PTPRD: variants seen among roughly 807,000 people sequenced by gnomAD.
The protein encoded by PTPRD is protein tyrosine phosphatase receptor type D.
PTPRD carries 34 observed loss-of-function variants against 214.5 expected under a neutral mutation model. The ratio of observed to expected loss-of-function variants is 0.16; its 90% CI spans 0.12 to 0.21. The LOEUF (loss-of-function observed/expected upper bound fraction) is 0.21. Ranked by LOEUF, PTPRD falls within the 10% of genes least tolerant of loss-of-function variation. PTPRD has a pLI of 1.00. For missense variants in PTPRD, 2,545 were observed against 2,398.7 expected, an observed-to-expected ratio of 1.06 and a Z score of -1.27; for synonymous variants, 1,128 against 845.7, an observed-to-expected ratio of 1.33 and a Z score of -5.79.
At chr9:9,345,740 G>A (rs1163734110) in intron 9 of PTPRD, among the ~76,000 whole-genome samples, 1 of 151,840 alleles carries the variant, frequency 6.6e-6, no homozygotes, top group Non-Finnish European at 1.5e-5. Context: ...CAAACATTCG[G>A]TTCCTCCATT....
At chr9:9,172,468 G>A (rs1044447709) in intron 10 of PTPRD, among the ~76,000 whole-genome samples, 4 of 152,048 alleles carry the variant, frequency 2.6e-5, no homozygotes, top group Non-Finnish European at 5.9e-5. Context: ...ATTTTCTGGA[G>A]AAGTGATCCC....
rs144304908 is a variant in PTPRD, at chr9:9,778,708, G to A, written c.-367-11857C>T. ...GAATGCTCTACGTTCATACACTCCT[G>A]GTGACCGAGAATTACATCAGATCCC... On this transcript the variant is annotated intron_variant, in intron 5 of 45. Coordinates refer to ENST00000381196, the MANE Select transcript of PTPRD (RefSeq NM_002839.4). Among the ~76,000 whole-genome samples, 220 of 152,188 alleles carry A rather than the reference G, an allele frequency of 1.4e-3. 1 individual carries two copies. The highest frequency in any genetic ancestry group is 2.4e-3 in the Non-Finnish European group (163 of 68,000).
At chr9:10,285,867 C>T (rs951309625) in intron 3 of PTPRD, among the ~76,000 whole-genome samples, 10 of 152,016 alleles carry the variant, frequency 6.6e-5, no homozygotes, top group Non-Finnish European at 7.4e-5. Flanking sequence ...CCTCGGCCTC[C>T]CAAAGTGCTG....
At chr9:10,431,189 G>A (rs987561119) in intron 2 of PTPRD, among the ~76,000 whole-genome samples, 22 of 151,852 alleles carry the variant, frequency 1.4e-4, no homozygotes, top group Non-Finnish European at 2.4e-4. Context: ...AAATTTCATC[G>A]TTCAGAATCA....
chr9:9,214,416 G>A (rs111305245), intron 9 of PTPRD, among the ~76,000 whole-genome samples: 5 of 152,090 alleles, frequency 3.3e-5, no homozygotes, highest in Non-Finnish European at 5.9e-5. Context: ...CCACTAACTC[G>A]GAAGACATCA....
In PTPRD at chr9:10,219,257, G is replaced by T. The variant is rs1208326920; in HGVS notation, c.-545+121706C>A. Among the ~76,000 whole-genome samples, 5 of 151,772 alleles carry T rather than the reference G, an allele frequency of 3.3e-5. No homozygotes were observed. In the East Asian group the frequency reaches 9.7e-4, roughly 29 times the overall value. On this transcript the variant is annotated intron_variant, in intron 3 of 45. Coordinates refer to ENST00000381196, the MANE Select transcript of PTPRD (RefSeq NM_002839.4). ...AAGGTTTATAGTTAAGGTAATTGAA[G>T]GAAAGAGGTATTTCAAACCATTTAT...
intron 35 of PTPRD, among the ~76,000 whole-genome samples, chr9:8,420,243 C>G (rs1165552763): frequency 6.6e-6 from 1 of 152,096 alleles, no homozygotes; most frequent in African/African-American, 2.4e-5. Context: ...CAGAGTCTAG[C>G]AAAGTACCTG....
intron 3 of PTPRD, among the ~76,000 whole-genome samples, chr9:10,073,430 G>A (rs928800589): frequency 4.6e-5 from 7 of 152,076 alleles, no homozygotes; most frequent in African/African-American, 9.7e-5. Flanking sequence ...ACAGCCAAGA[G>A]GAGCCTACAG....
At chr9:8,972,455 G>A (rs1198907436) in intron 11 of PTPRD, among the ~76,000 whole-genome samples, 1 of 151,414 alleles carries the variant, frequency 6.6e-6, no homozygotes, top group Non-Finnish European at 1.5e-5. Context: ...AATTGTCTTA[G>A]AATACATTTA....
At chr9:10,213,290 T>C (rs1426244321) in intron 3 of PTPRD, among the ~76,000 whole-genome samples, 1 of 152,114 alleles carries the variant, frequency 6.6e-6, no homozygotes, top group African/African-American at 2.4e-5. Context: ...AACAATCTAC[T>C]CCTGAAATCC....
chr9:9,174,638 C>A (rs1299365576), intron 10 of PTPRD, among the ~76,000 whole-genome samples: 1 of 152,024 alleles, frequency 6.6e-6, no homozygotes, highest in Non-Finnish European at 1.5e-5. Context: ...CTGTTGCCAA[C>A]AAAGGATATT....
At chr9:9,464,642 T>A (rs148992335) in intron 8 of PTPRD, among the ~76,000 whole-genome samples, 1 of 152,300 alleles carries the variant, frequency 6.6e-6, no homozygotes, top group South Asian at 2.1e-4. Context: ...CACCTTAACA[T>A]TGGAGAGTCT....
At chr9:10,567,959 T>A (rs1401825827) in intron 2 of PTPRD, among the ~76,000 whole-genome samples, 2 of 151,676 alleles carry the variant, frequency 1.3e-5, no homozygotes, top group Non-Finnish European at 2.9e-5. Flanking sequence ...TTATTTGTTA[T>A]TTTTTAAAAT....
chr9:8,605,915 A>C (rs1239204932), intron 14 of PTPRD, among the ~76,000 whole-genome samples: 1 of 152,230 alleles, frequency 6.6e-6, no homozygotes, highest in Admixed American at 6.5e-5. Flanking sequence ...GGTGTGCCAC[A>C]GCATGGATGA....
intron 2 of PTPRD, among the ~76,000 whole-genome samples, chr9:10,533,971 G>T (rs13289250): frequency 2.7e-5 from 4 of 149,426 alleles, no homozygotes; most frequent in South Asian, 2.1e-4. Flanking sequence ...TTTTTCTAAG[G>T]GAATATTTTA....
At chr9:9,809,336 C>T (rs1408118677) in intron 5 of PTPRD, among the ~76,000 whole-genome samples, 1 of 147,482 alleles carries the variant, frequency 6.8e-6, no homozygotes, top group Non-Finnish European at 1.5e-5. Context: ...GGCCTGATCT[C>T]GGCTCACTGC....
intron 10 of PTPRD, chr9:9,091,067 G>C: frequency 1.3e-6 from 2 of 1,511,350 alleles, no homozygotes; most frequent in Non-Finnish European, 1.8e-6. Flanking sequence ...TCTGAAGCGA[G>C]CGTCTTCGAT....
At chr9:9,222,462 C>T (rs2099956746) in intron 9 of PTPRD, among the ~76,000 whole-genome samples, 1 of 151,968 alleles carries the variant, frequency 6.6e-6, no homozygotes, top group Admixed American at 6.6e-5. Context: ...TTCAAAGCAA[C>T]TTTAAAAAAT....
chr9:8,934,662 C>G (rs909415067), intron 11 of PTPRD, among the ~76,000 whole-genome samples: 1 of 149,030 alleles, frequency 6.7e-6, no homozygotes, highest in Non-Finnish European at 1.5e-5. Context: ...TTCTAGTATA[C>G]CCTAGAGTAT....
Sources: allele counts gnomAD v4.1 joint callset (sites outside exome capture counted in the v4.1 genomes callset), GRCh38; gene constraint gnomAD v4.1.1; transcripts MANE v1.5; gene names NCBI Gene and HGNC (gene_info 2026-07-23, HGNC 2026-07-21).